Variants in DECR1 observed in about 807,000 individuals in gnomAD.
DECR1 encodes 2,4-dienoyl-CoA reductase [(3E)-enoyl-CoA-producing], mitochondrial.
DECR1 carries 44 observed loss-of-function variants against 38.8 expected under a neutral mutation model. The observed-to-expected ratio is 1.13, with a 90% CI of 0.89 to 1.46. The LOEUF is 1.46. DECR1 is among the 40% of genes most tolerant of loss of function. The pLI is 0.00. For synonymous variants in DECR1, 148 were observed against 135.2 expected (o/e 1.09, Z -0.66); for missense variants, 428 against 405.5 (o/e 1.06, Z -0.48).
intron 4 of DECR1, among the ~76,000 whole-genome samples, chr8:90,019,834 C>T (rs887903961): frequency 6.6e-6 from 1 of 152,216 alleles, no homozygotes; most frequent in Non-Finnish European, 1.5e-5. Context: ...AAGACTGCTA[C>T]ACAACTTCCT....
At chr8:90,021,554 G>T (rs1403912339) in intron 5 of DECR1, among the ~76,000 whole-genome samples, 2 of 152,180 alleles carry the variant, frequency 1.3e-5, no homozygotes, top group Non-Finnish European at 2.9e-5. Flanking sequence ...AATTCTGAAA[G>T]AAATAGGAAG....
chr8:90,034,014 A>G (rs1038372853), intron 5 of DECR1, among the ~76,000 whole-genome samples: 1 of 152,186 alleles, frequency 6.6e-6, no homozygotes, highest in Admixed American at 6.5e-5. Flanking sequence ...GAAGCAAAGT[A>G]ATTTTCAGCA....
At chr8:90,049,347 A>G in intron 8 of DECR1, among the ~76,000 whole-genome samples, 1 of 152,244 alleles carries the variant, frequency 6.6e-6, no homozygotes, top group Non-Finnish European at 1.5e-5. Flanking sequence ...ATACAAAATC[A>G]ATGTGCAAAA....
intron 1 of DECR1, among the ~76,000 whole-genome samples, chr8:90,009,490 A>C (rs1812830241): frequency 6.8e-6 from 1 of 146,736 alleles, no homozygotes; most frequent in Non-Finnish European, 1.5e-5. Context: ...CTGAGAATAG[A>C]ATATTGTGTC....
chr8:90,014,742 G>A (rs1812965302), intron 1 of DECR1, among the ~76,000 whole-genome samples: 1 of 152,084 alleles, frequency 6.6e-6, no homozygotes, highest in Non-Finnish European at 1.5e-5. Context: ...ACATTAAAAA[G>A]TTAAAAATTA....
intron 1 of DECR1, among the ~76,000 whole-genome samples, chr8:90,015,172 A>C (rs1342017731): frequency 6.6e-6 from 1 of 152,192 alleles, no homozygotes; most frequent in Non-Finnish European, 1.5e-5. Context: ...AACAAAAAAA[A>C]ACAAATAATT....
intron 5 of DECR1, among the ~76,000 whole-genome samples, chr8:90,025,761 G>A (rs1025158096): frequency 6.6e-6 from 1 of 152,116 alleles, no homozygotes; most frequent in Non-Finnish European, 1.5e-5. Flanking sequence ...ACACTATGTT[G>A]AATAGGAGTG....
In DECR1 at chr8:90,017,355, G is replaced by A. The variant is rs375589149; in HGVS notation, c.272+29G>A. ...AGTCCCTTACATCAAGCCTATTGGC[G>A]ACGCTTTTGAAGAAACTGTTCTGTG... On this transcript the variant is annotated intron_variant, in intron 2 of 9. Transcript: ENST00000220764. 8.8e-6 allele frequency: 14 copies of A among 1,584,220 alleles called. No individual in the cohort carries two copies. The African/African-American group carries it at 1.4e-4, about 15-fold the overall frequency.
intron 1 of DECR1, chr8:90,005,949 A>G: frequency 2.1e-6 from 1 of 473,696 alleles, no homozygotes; most frequent in Non-Finnish European, 3.8e-6. Flanking sequence ...CAAGAGAGGA[A>G]GTGAGAGGGT....
chr8:90,045,579 C>T (rs1813877834), intron 8 of DECR1, among the ~76,000 whole-genome samples: 1 of 152,180 alleles, frequency 6.6e-6, no homozygotes, highest in Non-Finnish European at 1.5e-5. Flanking sequence ...GCCTGCCTTC[C>T]TGCCTCTATA....
At chr8:90,041,295 C>T (rs1238757531) in intron 6 of DECR1, among the ~76,000 whole-genome samples, 52 of 152,070 alleles carry the variant, frequency 3.4e-4, no homozygotes, top group Non-Finnish European at 2.9e-5. Context: ...TGTTCATATC[C>T]TTCCCCCACT....
chr8:90,010,540 G>T (rs146321666), intron 1 of DECR1, among the ~76,000 whole-genome samples: 1 of 152,314 alleles, frequency 6.6e-6, no homozygotes, highest in East Asian at 1.9e-4. Flanking sequence ...GAGTACATAA[G>T]GTGTTTTGGG....
intron 4 of DECR1, 95 bp downstream of exon 4, chr8:90,019,267 T>A: frequency 1.9e-6 from 2 of 1,059,336 alleles, no homozygotes; most frequent in South Asian, 1.4e-5. Flanking sequence ...GATACTGATG[T>A]AGGACAGGCA....
At chr8:90,025,252 T>C (rs890778919) in intron 5 of DECR1, among the ~76,000 whole-genome samples, 6 of 152,254 alleles carry the variant, frequency 3.9e-5, no homozygotes, top group African/African-American at 1.4e-4. Flanking sequence ...TTTCCAATTC[T>C]GTGAAGAAAG....
Position 90,019,302 on chromosome 8 carries a change from G to T in DECR1, c.417+130G>T, listed in dbSNP as rs1813090912. On this transcript the variant is annotated intron_variant, in intron 4 of 9. Coordinates refer to ENST00000220764, the MANE Select transcript of DECR1 (RefSeq NM_001359.2). ...AAGCCCGAATCTGGGGCTTAGCCTG[G>T]GAAGGTTCTTGGCTTCACCCAGGAA... 8 of 729,980 alleles carry T rather than the reference G, an allele frequency of 1.1e-5. No homozygotes were observed. The Admixed American group carries it at 1.5e-4, about 14-fold the overall frequency. The allele number at this position is 729,980 out of a possible 1,614,324, so 45.2% of individuals were successfully genotyped here.
intron 5 of DECR1, among the ~76,000 whole-genome samples, chr8:90,027,283 C>G (rs956856710): frequency 6.6e-6 from 1 of 152,090 alleles, no homozygotes; most frequent in Admixed American, 6.6e-5. Flanking sequence ...TCCTTGTTAA[C>G]TTTCCATCTC....
intron 5 of DECR1, among the ~76,000 whole-genome samples, chr8:90,030,913 T>A (rs533872545): frequency 2.6e-4 from 40 of 152,236 alleles, no homozygotes; most frequent in African/African-American, 8.9e-4. Context: ...GATGGGAGAG[T>A]TCAACCTCAT....
At chr8:90,050,121 G>T (rs1278127859) in intron 8 of DECR1, among the ~76,000 whole-genome samples, 1 of 152,094 alleles carries the variant, frequency 6.6e-6, no homozygotes, top group Non-Finnish European at 1.5e-5. Context: ...GCATGGACAA[G>T]GACTTCATGA....
At chr8:90,029,017 AT>A (rs1813426075) in intron 5 of DECR1, among the ~76,000 whole-genome samples, 1 of 152,132 alleles carries the variant, frequency 6.6e-6, no homozygotes, top group Non-Finnish European at 1.5e-5. Context: ...AACTATTACT[AT>A]TAAAATCGAC....
Sources: allele counts gnomAD v4.1 joint callset (sites outside exome capture counted in the v4.1 genomes callset), GRCh38; gene constraint gnomAD v4.1.1; transcripts MANE v1.5; gene names NCBI Gene and HGNC (gene_info 2026-07-23, HGNC 2026-07-21).